GALNTL6: variants seen among roughly 807,000 people sequenced by gnomAD.
GALNTL6 encodes the protein polypeptide N-acetylgalactosaminyltransferase-like 6.
Under a neutral mutation model 73.7 loss-of-function variants are expected in GALNTL6, and 46 were observed. The ratio of observed to expected loss-of-function variants is 0.62; its 90% confidence interval spans 0.49 to 0.80. GALNTL6 has a LOEUF of 0.80. Among genes scored for constraint, GALNTL6 ranks in the 30% least tolerant of loss-of-function variants. The pLI is 0.00. For synonymous variants in GALNTL6, 259 were observed against 263.7 expected, an observed-to-expected ratio of 0.98 and a Z score of 0.17; for missense variants, 604 against 755.0, an observed-to-expected ratio of 0.80 and a Z score of 2.34.
At chr4:172,282,077 C>T (rs1227553648) in intron 3 of GALNTL6, among the ~76,000 whole-genome samples, 3 of 152,048 alleles carry the variant, frequency 2.0e-5, no homozygotes, top group Admixed American at 6.6e-5. Flanking sequence ...ATAATTAAAG[C>T]TTCTGTTCAT....
chr4:172,561,391 T>TG (rs1231921482), intron 5 of GALNTL6, among the ~76,000 whole-genome samples: 2 of 152,002 alleles, frequency 1.3e-5, no homozygotes, highest in African/African-American at 2.4e-5. Context: ...GTTCTTTAAC[T>TG]GGGTTAATTT....
intron 5 of GALNTL6, among the ~76,000 whole-genome samples, chr4:172,619,627 A>C (rs1434263486): frequency 1.3e-5 from 2 of 152,236 alleles, no homozygotes; most frequent in East Asian, 3.9e-4. Context: ...GCAACAGTAC[A>C]GTATCTCAAA....
intron 2 of GALNTL6, among the ~76,000 whole-genome samples, chr4:172,224,795 A>ATT (rs901591942): frequency 5.3e-5 from 8 of 152,154 alleles, no homozygotes; most frequent in African/African-American, 1.9e-4. Flanking sequence ...AAGTGTTTTA[A>ATT]TTTTTTACCT....
At chr4:172,272,078 G>A (rs1225582583) in intron 3 of GALNTL6, among the ~76,000 whole-genome samples, 4 of 151,720 alleles carry the variant, frequency 2.6e-5, no homozygotes, top group African/African-American at 4.8e-5. Context: ...TCAGCCTCCC[G>A]AGTAGTTGGG....
At chr4:172,459,343 A>G (rs1259016030) in intron 5 of GALNTL6, among the ~76,000 whole-genome samples, 1 of 152,218 alleles carries the variant, frequency 6.6e-6, no homozygotes, top group Non-Finnish European at 1.5e-5. Context: ...TATTCAACAT[A>G]GTATTGGATG....
intron 3 of GALNTL6, among the ~76,000 whole-genome samples, chr4:172,243,130 A>G (rs969222833): frequency 1.3e-5 from 2 of 152,204 alleles, no homozygotes; most frequent in Non-Finnish European, 2.9e-5. Flanking sequence ...CACTGGCCAC[A>G]ATAGCCTCCT....
chr4:172,376,230 AT>A (rs1476040762), intron 5 of GALNTL6, among the ~76,000 whole-genome samples: 1 of 152,150 alleles, frequency 6.6e-6, no homozygotes, highest in Non-Finnish European at 1.5e-5. Context: ...ACAGGGAGTG[AT>A]TTTTAGAAGA....
chr4:172,788,115 G>A (rs188920169), intron 5 of GALNTL6, among the ~76,000 whole-genome samples: 193 of 152,234 alleles, frequency 1.3e-3, no homozygotes, highest in Non-Finnish European at 2.2e-3. Flanking sequence ...TTAGGTTGAG[G>A]TGGAAAGATC....
At chr4:172,587,011 C>G (rs1478183952) in intron 5 of GALNTL6, among the ~76,000 whole-genome samples, 2 of 152,134 alleles carry the variant, frequency 1.3e-5, no homozygotes, top group African/African-American at 4.8e-5. Flanking sequence ...TGATACGCTA[C>G]AAGGTTATTG....
intron 3 of GALNTL6, among the ~76,000 whole-genome samples, chr4:172,283,790 A>G (rs1199679887): frequency 1.3e-5 from 2 of 152,194 alleles, no homozygotes; most frequent in Non-Finnish European, 2.9e-5. Flanking sequence ...TTCCAAGTTA[A>G]TTATCACAAA....
chr4:172,662,292 T>A (rs1168599083), intron 5 of GALNTL6, among the ~76,000 whole-genome samples: 1 of 152,222 alleles, frequency 6.6e-6, no homozygotes, highest in Non-Finnish European at 1.5e-5. Flanking sequence ...TTATTGCTAA[T>A]TGCGAAATAT....
chr4:172,298,357 C>A (rs1739768887), intron 3 of GALNTL6, among the ~76,000 whole-genome samples: 1 of 152,144 alleles, frequency 6.6e-6, no homozygotes, highest in African/African-American at 2.4e-5. Context: ...CCTTCTCCTG[C>A]CTGATTGCCC....
chr4:172,458,464 T>G (rs1732486686), intron 5 of GALNTL6, among the ~76,000 whole-genome samples: 1 of 151,630 alleles, frequency 6.6e-6, no homozygotes, highest in Non-Finnish European at 1.5e-5. Flanking sequence ...ACAAAATAGA[T>G]AGACTGCTAG....
At chr4:171,903,658 T>G (rs1560833681) in intron 2 of GALNTL6, among the ~76,000 whole-genome samples, 1 of 148,070 alleles carries the variant, frequency 6.8e-6, no homozygotes, top group Non-Finnish European at 1.5e-5. Context: ...CAAGGAGGCC[T>G]GCCTGCCTCT....
intron 2 of GALNTL6, among the ~76,000 whole-genome samples, chr4:171,906,946 C>T (rs185588664): frequency 9.5e-4 from 144 of 152,190 alleles, no homozygotes; most frequent in African/African-American, 3.3e-3. Context: ...ATTCAACAAC[C>T]CTTCATGCTA....
At chr4:173,019,991 T>C (rs927801338) in intron 11 of GALNTL6, among the ~76,000 whole-genome samples, 67 of 152,382 alleles carry the variant, frequency 4.4e-4, no homozygotes, top group African/African-American at 1.5e-3. Context: ...CTTTCTTTTA[T>C]ATCCACAGGG....
chr4:172,655,423 T>G (rs1730940310), intron 5 of GALNTL6, among the ~76,000 whole-genome samples: 1 of 152,210 alleles, frequency 6.6e-6, no homozygotes, highest in African/African-American at 2.4e-5. Flanking sequence ...GTCCTACTAT[T>G]CACCAGACAC....
intron 5 of GALNTL6, among the ~76,000 whole-genome samples, chr4:172,568,201 A>T (rs1300050324): frequency 6.6e-6 from 1 of 152,194 alleles, no homozygotes; most frequent in Admixed American, 6.5e-5. Context: ...CAATTTGAAG[A>T]GGGAGGCAAG....
chr4:172,354,380 A>G (rs551049573), intron 5 of GALNTL6, among the ~76,000 whole-genome samples: 2 of 152,256 alleles, frequency 1.3e-5, no homozygotes, highest in African/African-American at 4.8e-5. Flanking sequence ...TAGAAATTCA[A>G]GATTATATGC....
Sources: gnomAD v4.1 joint callset for allele counts (sites outside exome capture counted in the v4.1 genomes callset) on GRCh38, gnomAD v4.1.1 for gene constraint, MANE v1.5 for transcripts, NCBI Gene and HGNC (gene_info 2026-07-23, HGNC 2026-07-21) for gene names.